The following CIMAP1D variants were observed in gnomAD, a reference collection of about 807,000 sequenced individuals.
The protein encoded by CIMAP1D is CIMAP1 family member D, also known as protein CIMAP1D.
the CIMAP1D span, among the ~76,000 whole-genome samples, chr19:481,498 TGGGAAGGATGATGGGGAAGGATGATG>T: frequency 2.2e-5 from 1 of 44,756 alleles, no homozygotes; most frequent in African/African-American, 8.6e-5. Context: ...GGAAGGATGA[TGGGAAGGATGATGGGGAAGGATGATG>T]GGGAAGGATG....
chr19:489,075 G>A, the CIMAP1D span: 1 of 152,138 alleles, frequency 6.6e-6, no homozygotes, highest in Non-Finnish European at 1.5e-5. Flanking sequence ...CGCGCTCCGC[G>A]GCATGGCGGG....
chr19:464,339 C>T, the CIMAP1D span: 1 of 1,542,882 alleles, frequency 6.5e-7, no homozygotes. Flanking sequence ...GGCTGTAGGC[C>T]CCAGGGCCTG....
At chr19:470,695 A>C in the CIMAP1D span, among the ~76,000 whole-genome samples, 1 of 152,066 alleles carries the variant, frequency 6.6e-6, no homozygotes, top group African/African-American at 2.4e-5. Flanking sequence ...CCTCTGTCCA[A>C]ATCCCCACAC....
the CIMAP1D span, among the ~76,000 whole-genome samples, chr19:468,033 G>A: frequency 8.5e-5 from 13 of 152,182 alleles, no homozygotes; most frequent in Admixed American, 2.0e-4. Flanking sequence ...CCTCTGCGCA[G>A]GTGTGGGCTG....
the CIMAP1D span, among the ~76,000 whole-genome samples, chr19:476,298 C>A: frequency 2.0e-5 from 3 of 152,064 alleles, no homozygotes; most frequent in Admixed American, 6.6e-5. Flanking sequence ...TGTGATCCAA[C>A]CGCCTCAGCC....
the CIMAP1D span, among the ~76,000 whole-genome samples, chr19:467,325 A>G: frequency 2.6e-5 from 4 of 151,958 alleles, no homozygotes; most frequent in Admixed American, 2.6e-4. Context: ...GTGTGCGGGC[A>G]AACTGTTGGG....
the CIMAP1D span, among the ~76,000 whole-genome samples, chr19:476,638 C>A: frequency 6.6e-6 from 1 of 152,094 alleles, no homozygotes; most frequent in Non-Finnish European, 1.5e-5. Flanking sequence ...TAAAACAAGT[C>A]TTAGTACATA....
At chr19:486,819 CAGA>C in the CIMAP1D span, among the ~76,000 whole-genome samples, 1 of 151,918 alleles carries the variant, frequency 6.6e-6, no homozygotes, top group Non-Finnish European at 1.5e-5. Flanking sequence ...GAGGCTGAGG[CAGA>C]AGAATGACGT....
At chr19:484,620 G>A in the CIMAP1D span, among the ~76,000 whole-genome samples, 1 of 152,240 alleles carries the variant, frequency 6.6e-6, no homozygotes, top group Admixed American at 6.5e-5. Flanking sequence ...TCTAAGGGAT[G>A]CCCAGCTGTG....
the CIMAP1D span, among the ~76,000 whole-genome samples, chr19:475,344 C>T: frequency 2.0e-5 from 3 of 152,094 alleles, no homozygotes; most frequent in Admixed American, 6.6e-5. Context: ...GAACTGGACA[C>T]GAACAGACGG....
chr19:478,010 G>A, the CIMAP1D span, among the ~76,000 whole-genome samples: 4 of 152,260 alleles, frequency 2.6e-5, no homozygotes, highest in Admixed American at 6.5e-5. Context: ...ACCAACCCTC[G>A]CTGGCCCCTT....
chr19:474,256 C>T, the CIMAP1D span, among the ~76,000 whole-genome samples: 1 of 152,324 alleles, frequency 6.6e-6, no homozygotes, highest in African/African-American at 2.4e-5. Context: ...TCCGCACACG[C>T]GCCCCTCGCC....
At chr19:485,268 A>G in the CIMAP1D span, among the ~76,000 whole-genome samples, 5 of 152,218 alleles carry the variant, frequency 3.3e-5, no homozygotes, top group Admixed American at 6.5e-5. Flanking sequence ...ACACACAGGC[A>G]GGCGCGCACA....
the CIMAP1D span, among the ~76,000 whole-genome samples, chr19:486,639 G>C: frequency 1.3e-5 from 2 of 151,818 alleles, no homozygotes; most frequent in Non-Finnish European, 2.9e-5. Context: ...ATGGGGCCGG[G>C]AGCGGTGGCT....
At chr19:479,470 T>C in the CIMAP1D span, among the ~76,000 whole-genome samples, 3 of 144,322 alleles carry the variant, frequency 2.1e-5, no homozygotes, top group Admixed American at 2.2e-4. Context: ...AGTGGCGCCA[T>C]CTCAGCTCAC....
chr19:485,604 C>T, the CIMAP1D span, among the ~76,000 whole-genome samples: 50 of 152,306 alleles, frequency 3.3e-4, no homozygotes, highest in Non-Finnish European at 5.3e-4. Flanking sequence ...CTGGGGTTAG[C>T]GATCCTCCCA....
the CIMAP1D span, among the ~76,000 whole-genome samples, chr19:487,983 A>G: frequency 4.6e-5 from 7 of 152,100 alleles, no homozygotes; most frequent in East Asian, 1.4e-3. Flanking sequence ...TTCCGATCTG[A>G]TTGCCGGTGC....
At chr19:470,407 T>C in the CIMAP1D span, among the ~76,000 whole-genome samples, 1 of 151,540 alleles carries the variant, frequency 6.6e-6, no homozygotes, top group East Asian at 1.9e-4. Flanking sequence ...GAGACGGAGT[T>C]TCACCATGTT....
chr19:474,355 T>C, the CIMAP1D span, among the ~76,000 whole-genome samples: 2 of 152,164 alleles, frequency 1.3e-5, no homozygotes, highest in Non-Finnish European at 2.9e-5. Flanking sequence ...TCGCTGTGGC[T>C]TTGCCCACTG....
Sources: gnomAD v4.1 joint callset for allele counts (sites outside exome capture counted in the v4.1 genomes callset) on GRCh38, gnomAD v4.1.1 for gene constraint, MANE v1.5 for transcripts, NCBI Gene and HGNC (gene_info 2026-07-23, HGNC 2026-07-21) for gene names.